Variants in DOCK7 observed in about 807,000 individuals in gnomAD.
The protein encoded by DOCK7 is dedicator of cytokinesis protein 7.
Under a neutral mutation model 271.0 loss-of-function variants are expected in DOCK7, and 138 were observed. That is an observed-to-expected ratio of 0.51 (90% confidence interval 0.44 to 0.59). The LOEUF (loss-of-function observed/expected upper bound fraction) is 0.59, where lower values mean the gene tolerates loss of function less well. Among genes scored for constraint, DOCK7 ranks in the 20% least tolerant of loss-of-function variants. DOCK7 has a pLI of 0.00. For synonymous variants in DOCK7, 823 were observed against 876.1 expected (o/e 0.94, Z 1.07); for missense variants, 2,066 against 2,592.4 (o/e 0.80, Z 4.41).
intron 7 of DOCK7, among the ~76,000 whole-genome samples, chr1:62,644,909 CA>C (rs900823741): frequency 1.3e-5 from 2 of 151,770 alleles, no homozygotes; most frequent in African/African-American, 2.4e-5. Flanking sequence ...AATAGTTGTA[CA>C]AAAAAATCAT....
intron 1 of DOCK7, among the ~76,000 whole-genome samples, chr1:62,681,494 C>T (rs1011609083): frequency 6.6e-6 from 1 of 150,402 alleles, no homozygotes; most frequent in Non-Finnish European, 1.5e-5. Flanking sequence ...TGTAACAAAC[C>T]TGCACGTTAT....
At chr1:62,557,954 C>T (rs1646200379) in intron 20 of DOCK7, among the ~76,000 whole-genome samples, 1 of 151,964 alleles carries the variant, frequency 6.6e-6, no homozygotes, top group Non-Finnish European at 1.5e-5. Flanking sequence ...TGTAGGTTTT[C>T]CCACTTTTAA....
At chr1:62,570,965 T>G (rs1035388691) in intron 18 of DOCK7, among the ~76,000 whole-genome samples, 1 of 152,128 alleles carries the variant, frequency 6.6e-6, no homozygotes, top group Non-Finnish European at 1.5e-5. Context: ...GAAGAAAATC[T>G]AGGCAACACC....
chr1:62,494,217 A>G (rs1438333031), intron 40 of DOCK7, 58 bp downstream of exon 40: 1 of 1,432,066 alleles, frequency 7.0e-7, no homozygotes, highest in African/African-American at 1.4e-5. Flanking sequence ...ACCAGTGAGA[A>G]AAGCTAAAAC....
chr1:62,675,935 C>T (rs745538782), intron 1 of DOCK7, among the ~76,000 whole-genome samples: 1 of 152,136 alleles, frequency 6.6e-6, no homozygotes, highest in Non-Finnish European at 1.5e-5. Flanking sequence ...CCTCATACAT[C>T]GCTAATAGGA....
intron 48 of DOCK7, chr1:62,459,131 T>A (rs563206228): frequency 6.6e-6 from 1 of 151,756 alleles, no homozygotes; most frequent in East Asian, 1.9e-4. Context: ...AAAAACAAAC[T>A]AAGCTCTGGC....
intron 14 of DOCK7, chr1:62,604,062 A>C (rs1650563986): frequency 6.2e-7 from 1 of 1,613,184 alleles, no homozygotes; most frequent in African/African-American, 1.3e-5. Flanking sequence ...AAAGACAACA[A>C]ACATTATATT....
At chr1:62,603,101 C>T (rs532626906) in intron 14 of DOCK7, among the ~76,000 whole-genome samples, 2 of 151,754 alleles carry the variant, frequency 1.3e-5, no homozygotes, top group African/African-American at 4.8e-5. Flanking sequence ...GAAAGCCCTA[C>T]CTAGAAGGTA....
At chr1:62,683,165 T>G (rs1378090279) in intron 1 of DOCK7, among the ~76,000 whole-genome samples, 2 of 152,238 alleles carry the variant, frequency 1.3e-5, no homozygotes, top group Admixed American at 6.5e-5. Context: ...TGGAATGTTC[T>G]AGTCTCTCTT....
At position 62,625,342 on chromosome 1, in the gene DOCK7, C is replaced by T; in HGVS notation, c.1342G>A (p.Glu448Lys). ...GCATCATCTCCACTTGTTGTCCTTT[C>T]AAGTGATCGTCTGCCAACAATACTA... ...NSSIVGRRSL[E>K]RTTSGDDACN... Residue 448 changes from glutamate (E) to lysine (K), a missense_variant, in exon 12 of 50, where the codon GAA becomes AAA. By Grantham distance (56) the Glu-to-Lys change is moderately conservative. Coordinates refer to ENST00000635253, the MANE Select transcript of DOCK7 (RefSeq NM_001367561.1). The T allele has an allele frequency of 6.2e-7, 1 of 1,613,706 alleles. No individual in the cohort carries two copies. Among genetic ancestry groups the T allele is most frequent in the Non-Finnish European group, 8.5e-7 (1 of 1,179,772 alleles).
At chr1:62,495,055 A>G (rs1646581273) in intron 39 of DOCK7, 1 of 152,366 alleles carries the variant, frequency 6.6e-6, no homozygotes, top group African/African-American at 2.4e-5. Flanking sequence ...ATCGTAAAAC[A>G]TTCATATACT....
At chr1:62,490,574 T>A (rs1646435486) in intron 41 of DOCK7, among the ~76,000 whole-genome samples, 1 of 152,196 alleles carries the variant, frequency 6.6e-6, no homozygotes, top group Admixed American at 6.5e-5. Context: ...AATCATGTAG[T>A]TGTACTAGTG....
intron 45 of DOCK7, 43 bp from the exon 46 acceptor site, chr1:62,475,986 T>C (rs370905987): frequency 1.9e-6 from 3 of 1,602,908 alleles, no homozygotes; most frequent in African/African-American, 2.7e-5. Flanking sequence ...TGTTAAGTCA[T>C]CATTTAGTCT....
rs2149752849 is a variant in DOCK7 at position 62,674,247 on chromosome 1, A to G, written c.39-11117T>C. On this transcript the variant is annotated intron_variant, in intron 1 of 49. Coordinates refer to ENST00000635253, the MANE Select transcript of DOCK7 (RefSeq NM_001367561.1). ...ATAAATTTAACAAAAGAGGTACAAG[A>G]CCTTTACACTGAAAACTTCAAAATG... 2.6e-5 allele frequency among the ~76,000 whole-genome samples: 4 copies of G among 152,318 alleles called. No homozygotes were observed. In the Middle Eastern group the frequency reaches 0.014, roughly 518 times the overall value.
At chr1:62,526,090 C>G (rs902716015) in intron 31 of DOCK7, among the ~76,000 whole-genome samples, 64 of 152,244 alleles carry the variant, frequency 4.2e-4, no homozygotes, top group African/African-American at 1.5e-3. Context: ...TAGGCACATG[C>G]CACCACGCCC....
chr1:62,541,866 A>C (rs1645545638), intron 25 of DOCK7, among the ~76,000 whole-genome samples: 2 of 152,248 alleles, frequency 1.3e-5, no homozygotes, highest in South Asian at 4.2e-4. Context: ...TTATTTGATT[A>C]AGCAAAAAGT....
chr1:62,684,850 A>T (rs1018435874), intron 1 of DOCK7, among the ~76,000 whole-genome samples: 48 of 152,370 alleles, frequency 3.2e-4, no homozygotes, highest in African/African-American at 1.1e-3. Context: ...GAGCCTTCAG[A>T]AATCACCAAA....
rs185136386 is a variant in DOCK7, at chr1:62,589,374, T to C, written c.1683-2750A>G. ...TCTTATGGATGATTAACTTGTCCCA[T>C]CTTTGGCAAATGAAAAAAACAATGC... On this transcript the variant is annotated intron_variant, in intron 14 of 49. Coordinates refer to ENST00000635253, the MANE Select transcript of DOCK7 (RefSeq NM_001367561.1). 3.5e-4 allele frequency among the ~76,000 whole-genome samples: 54 copies of C among 152,292 alleles called. 1 individual carries two copies. In the East Asian group the frequency reaches 9.8e-3, roughly 28 times the overall value.
intron 7 of DOCK7, among the ~76,000 whole-genome samples, chr1:62,637,924 C>T (rs1229521784): frequency 6.7e-6 from 1 of 149,684 alleles, no homozygotes; most frequent in East Asian, 1.9e-4. Context: ...CCTCTAACTT[C>T]CTGCTGATAC....
Sources: allele counts gnomAD v4.1 joint callset (sites outside exome capture counted in the v4.1 genomes callset), GRCh38; gene constraint gnomAD v4.1.1; transcripts MANE v1.5; gene names NCBI Gene and HGNC (gene_info 2026-07-23, HGNC 2026-07-21).